Variants in MAP4K3 observed in about 807,000 individuals in gnomAD.
The protein encoded by MAP4K3 is MAPK/ERK kinase kinase kinase 3.
Under a neutral mutation model 143.5 loss-of-function variants are expected in MAP4K3, and 94 were observed. That is an observed-to-expected ratio of 0.65 (90% CI 0.55 to 0.78). The LOEUF (loss-of-function observed/expected upper bound fraction) is 0.78, where lower values mean the gene tolerates loss of function less well. Among genes scored for constraint, MAP4K3 ranks in the 30% least tolerant of loss-of-function variants. MAP4K3 has a pLI of 0.00. For missense variants in MAP4K3, 1,077 were observed against 1,068.1 expected, an observed-to-expected ratio of 1.01 and a Z score of -0.12; for synonymous variants, 416 against 347.2, an observed-to-expected ratio of 1.20 and a Z score of -2.20.
chr2:39,290,836 C>A (rs555957621), intron 18 of MAP4K3, among the ~76,000 whole-genome samples: 7 of 152,076 alleles, frequency 4.6e-5, no homozygotes, highest in Non-Finnish European at 7.4e-5. Context: ...TTTGGGAGGC[C>A]GAGGTGGGCA....
chr2:39,390,510 C>G (rs1419693794), intron 1 of MAP4K3, among the ~76,000 whole-genome samples: 1 of 152,168 alleles, frequency 6.6e-6, no homozygotes, highest in Non-Finnish European at 1.5e-5. Context: ...AATAGCCTAT[C>G]ACTCACACTT....
At chr2:39,359,321 C>A (rs954328975) in intron 2 of MAP4K3, among the ~76,000 whole-genome samples, 2 of 152,220 alleles carry the variant, frequency 1.3e-5, no homozygotes, top group African/African-American at 2.4e-5. Flanking sequence ...GACTCCATGT[C>A]TCACATCCAG....
At chr2:39,299,872 A>G in intron 15 of MAP4K3, 71 bp from the exon 16 acceptor site, 1 of 557,266 alleles carries the variant, frequency 1.8e-6, no homozygotes, top group Non-Finnish European at 2.9e-6. Flanking sequence ...AATATATATA[A>G]TACATATTAT....
chr2:39,437,002 G>GC lies in MAP4K3; in HGVS notation c.-16dup. The GC allele has an allele frequency of 1.2e-6, 2 of 1,604,536 alleles. No homozygotes were observed. The highest frequency in any genetic ancestry group is 1.7e-5 in the Admixed American group (1 of 59,616). On this transcript the variant is annotated 5_prime_UTR_variant, in exon 1 of 34. Transcript: ENST00000263881. Reference sequence around the variant, plus strand: ...CCGGGGTTCATGGCGGGCCCCAGGTGCCCCCCGCCTCCCTCCCGGGCAGGG... The same window carrying GC: ...CCGGGGTTCATGGCGGGCCCCAGGTGCCCCCCCGCCTCCCTCCCGGGCAGGG...
At chr2:39,272,220 T>G (rs1464091043) in intron 26 of MAP4K3, 63 bp downstream of exon 26, 3 of 1,273,808 alleles carry the variant, frequency 2.4e-6, no homozygotes, top group Admixed American at 4.0e-5. Flanking sequence ...TCACTTTCTG[T>G]AACATAAATA....
chr2:39,436,294 T>TA (rs1478123374), intron 1 of MAP4K3, among the ~76,000 whole-genome samples: 1 of 150,050 alleles, frequency 6.7e-6, no homozygotes, highest in Admixed American at 6.6e-5. Flanking sequence ...CAATTCGACT[T>TA]AGAGAAAACA....
intron 27 of MAP4K3, 85 bp downstream of exon 27, chr2:39,267,104 G>T: frequency 1.6e-6 from 2 of 1,265,330 alleles, no homozygotes; most frequent in Non-Finnish European, 2.3e-6. Flanking sequence ...AGTATTGCTG[G>T]CAGAATGCCC....
chr2:39,266,288 C>G (rs1463313816), intron 27 of MAP4K3, among the ~76,000 whole-genome samples: 1 of 152,162 alleles, frequency 6.6e-6, no homozygotes, highest in African/African-American at 2.4e-5. Flanking sequence ...TCAGTCATCT[C>G]TGACATCTTT....
At position 39,324,205 on chromosome 2, in the gene MAP4K3, G is replaced by A. The variant is rs186885449; in HGVS notation, c.918+1313C>T. Among the ~76,000 whole-genome samples the A allele has an allele frequency of 2.9e-3, 443 of 152,178 alleles. 3 individuals are homozygous for A. The highest frequency in any genetic ancestry group is 0.01 in the Middle Eastern group (3 of 294). ...AGGCAGATCACAAGGTCAGGAGTTC[G>A]AGACCAACCTGGCCAATGTGGTAAA... On this transcript the variant is annotated intron_variant, in intron 12 of 33. Coordinates refer to ENST00000263881, the MANE Select transcript of MAP4K3 (RefSeq NM_003618.4).
intron 1 of MAP4K3, among the ~76,000 whole-genome samples, chr2:39,434,577 C>T (rs1665395303): frequency 6.6e-6 from 1 of 152,226 alleles, no homozygotes; most frequent in South Asian, 2.1e-4. Context: ...AAATGCTAAA[C>T]TAAATGTGTG....
In MAP4K3 at chr2:39,411,774, G is replaced by T. The variant is rs575111889; in HGVS notation, c.96+25118C>A. 2.6e-5 allele frequency among the ~76,000 whole-genome samples: 4 copies of T among 152,098 alleles called. No individual in the cohort carries two copies. The East Asian group carries it at 7.7e-4, about 29-fold the overall frequency. On this transcript the variant is annotated intron_variant, in intron 1 of 33. Transcript: ENST00000263881. ...CTGTTAGCAATGAAAAAAATGTGAC[G>T]ATCTGCAGAGAGGGAAAGTGACTAA...
chr2:39,351,855 A>T (rs1401605393), intron 3 of MAP4K3, among the ~76,000 whole-genome samples: 4 of 152,098 alleles, frequency 2.6e-5, no homozygotes, highest in African/African-American at 9.7e-5. Context: ...TTTTTAATAG[A>T]GATGGGAGTT....
At chr2:39,388,871 C>G (rs1230927772) in intron 1 of MAP4K3, among the ~76,000 whole-genome samples, 1 of 152,132 alleles carries the variant, frequency 6.6e-6, no homozygotes, top group East Asian at 1.9e-4. Flanking sequence ...ATCTTCAACC[C>G]ATACTCCAGG....
At chr2:39,389,775 T>C (rs957930955) in intron 1 of MAP4K3, among the ~76,000 whole-genome samples, 1 of 152,142 alleles carries the variant, frequency 6.6e-6, no homozygotes, top group Non-Finnish European at 1.5e-5. Context: ...TTCTAAAGGA[T>C]GTATTTCAGG....
chr2:39,281,931 C>T (rs1681549090), intron 22 of MAP4K3, among the ~76,000 whole-genome samples: 1 of 151,942 alleles, frequency 6.6e-6, no homozygotes, highest in Non-Finnish European at 1.5e-5. Flanking sequence ...TGGTGGCTCA[C>T]ACTTGTGATC....
intron 32 of MAP4K3, among the ~76,000 whole-genome samples, chr2:39,252,224 C>T (rs1175734669): frequency 6.6e-6 from 1 of 152,234 alleles, no homozygotes; most frequent in Non-Finnish European, 1.5e-5. Context: ...AGGTTACTGG[C>T]AGCAGTAAGC....
chr2:39,318,638 C>A (rs960356893), intron 12 of MAP4K3, among the ~76,000 whole-genome samples: 4 of 151,960 alleles, frequency 2.6e-5, no homozygotes, highest in African/African-American at 7.2e-5. Context: ...AAGAAACAAG[C>A]CATTCACAAT....
At chr2:39,274,982 C>G (rs1369238468) in intron 24 of MAP4K3, among the ~76,000 whole-genome samples, 1 of 152,160 alleles carries the variant, frequency 6.6e-6, no homozygotes, top group African/African-American at 2.4e-5. Flanking sequence ...GAAAATCAAC[C>G]TAATCATCAA....
chr2:39,427,849 T>A (rs567764042), intron 1 of MAP4K3, among the ~76,000 whole-genome samples: 29 of 152,330 alleles, frequency 1.9e-4, no homozygotes, highest in Non-Finnish European at 1.5e-4. Context: ...TTTATCTGTA[T>A]CTTATATATG....
Sources: allele counts gnomAD v4.1 joint callset (sites outside exome capture counted in the v4.1 genomes callset), GRCh38; gene constraint gnomAD v4.1.1; transcripts MANE v1.5; gene names NCBI Gene and HGNC (gene_info 2026-07-23, HGNC 2026-07-21).